The following EXO1 variants were observed in gnomAD, a reference collection of about 807,000 sequenced individuals.
EXO1 encodes exonuclease 1.
EXO1 carries 69 observed loss-of-function variants against 84.5 expected under a neutral mutation model. The ratio of observed to expected loss-of-function variants is 0.82; its 90% CI spans 0.67 to 1.00. EXO1 has a LOEUF of 1.00. Ranked by LOEUF, EXO1 falls within the 50% of genes least tolerant of loss-of-function variation. The pLI is 0.00. For missense variants in EXO1, 1,045 were observed against 1,000.7 expected, an observed-to-expected ratio of 1.04 and a Z score of -0.60; for synonymous variants, 373 against 366.1, an observed-to-expected ratio of 1.02 and a Z score of -0.21.
intron 13 of EXO1, 114 bp from the exon 14 acceptor site, chr1:241,881,798 TATTA>T (rs372854445): frequency 1.0e-5 from 6 of 577,352 alleles, no homozygotes; most frequent in South Asian, 9.7e-5. Context: ...CATTTTCTTT[TATTA>T]ATTCTATCCC....
At chr1:241,870,262 T>C (rs1428324535) in intron 11 of EXO1, among the ~76,000 whole-genome samples, 1 of 152,246 alleles carries the variant, frequency 6.6e-6, no homozygotes, top group Non-Finnish European at 1.5e-5. Context: ...GTCCCCTTTC[T>C]ATACACACAA....
Position 241,857,262 on chromosome 1 carries a change from G to C in EXO1, c.406-83G>C, listed in dbSNP as rs978417135. The C allele has an allele frequency of 4.5e-6, 6 of 1,343,122 alleles. No individual in the cohort carries two copies. In the African/African-American group the frequency reaches 5.7e-5, roughly 13 times the overall value. 83.2% of individuals were successfully genotyped at this position (1,343,122 alleles called of 1,614,324 possible). On this transcript the variant is annotated intron_variant, in intron 6 of 15. Coordinates refer to ENST00000366548, the MANE Select transcript of EXO1 (RefSeq NM_130398.4). Reference sequence around the variant, plus strand: ...TATTAGCATGTGCCTGCTGAGGCTAGTAATAAAGTGGGTTTGAAACAGGAA... The same window carrying C: ...TATTAGCATGTGCCTGCTGAGGCTACTAATAAAGTGGGTTTGAAACAGGAA...
intron 8 of EXO1, 23 bp downstream of exon 8, chr1:241,858,741 C>T: frequency 7.0e-7 from 1 of 1,428,432 alleles, no homozygotes. Flanking sequence ...TGCTAAGTGT[C>T]ATATTCAATT....
At chr1:241,887,898 C>G (rs563628487) in intron 15 of EXO1, among the ~76,000 whole-genome samples, 3 of 152,210 alleles carry the variant, frequency 2.0e-5, no homozygotes, top group African/African-American at 7.2e-5. Flanking sequence ...TTCAACCTCC[C>G]AAAGTGCTGG....
At chr1:241,854,138 G>A (rs998154088) in intron 6 of EXO1, among the ~76,000 whole-genome samples, 1 of 151,954 alleles carries the variant, frequency 6.6e-6, no homozygotes, top group East Asian at 1.9e-4. Context: ...TGGTTTTTTT[G>A]TTCGTTTGTT....
chr1:241,882,528 T>C lies in EXO1; in HGVS notation c.2211+511T>C, dbSNP rs192683916. Reference sequence around the variant, plus strand: ...TGTTGAATCAAAATATATAAATATTTGTGTTACTACATAGTAAAGCATATT... The same window carrying C: ...TGTTGAATCAAAATATATAAATATTCGTGTTACTACATAGTAAAGCATATT... On this transcript the variant is annotated intron_variant, in intron 14 of 15. Transcript: ENST00000366548. Among the ~76,000 whole-genome samples the C allele has an allele frequency of 1.9e-3, 284 of 152,324 alleles. 2 individuals carry two copies. The highest frequency in any genetic ancestry group is 2.5e-3 in the Non-Finnish European group (172 of 68,008).
chr1:241,861,258 A>G (rs1176367258), intron 9 of EXO1, 148 bp from the exon 10 acceptor site: 6 of 647,954 alleles, frequency 9.3e-6, no homozygotes, highest in Non-Finnish European at 1.7e-5. Context: ...GTCTGCTTTC[A>G]GTAATGCTGA....
At position 241,848,780 on chromosome 1, in the gene EXO1, A is replaced by G. The variant is rs1660490532; in HGVS notation, c.-370A>G. 1 of 152,170 alleles carries G rather than the reference A, an allele frequency of 6.6e-6. No homozygotes were observed. The highest frequency in any genetic ancestry group is 2.1e-4 in the South Asian group (1 of 4,822). The allele number at this position is 152,170 out of a possible 1,614,324, so 9.4% of individuals were successfully genotyped here. ...ATGGGCTTGGGGGCCACGCCTGCAC[A>G]TCTCCGCGAGACAGAGGGATAAAGT... On this transcript the variant is annotated 5_prime_UTR_variant, in exon 2 of 16. Transcript: ENST00000366548. This position sits in a 1 kb window ranked among gnomAD's most constrained non-coding sequence, Gnocchi z 4.2.
At chr1:241,858,755 G>A in intron 8 of EXO1, 37 bp downstream of exon 8, 1 of 1,290,628 alleles carries the variant, frequency 7.7e-7, no homozygotes, top group Middle Eastern at 1.8e-4. Flanking sequence ...TTCAATTTCT[G>A]AAGCATTTCC....
chr1:241,860,730 G>A (rs746893784), intron 9 of EXO1, 26 bp downstream of exon 9: 30 of 1,572,040 alleles, frequency 1.9e-5, no homozygotes, highest in Non-Finnish European at 2.4e-5. Context: ...CAGAATGGTA[G>A]AATTTGTGCA....
chr1:241,879,446 T>C (rs1470619866), intron 13 of EXO1, 103 bp downstream of exon 13: 2 of 684,628 alleles, frequency 2.9e-6, no homozygotes, highest in African/African-American at 3.6e-5. Flanking sequence ...TGACGAGCTA[T>C]ATTATTTTTT....
Position 241,855,126 on chromosome 1 carries a change from G to C in EXO1, c.405+1645G>C, listed in dbSNP as rs4149884. ...CCATGGTGTGGAAGGGGACCTAAGTGGGTTGCCACTGCTGGCTGGGGCAGC... is the reference window on the plus strand; with the variant it reads ...CCATGGTGTGGAAGGGGACCTAAGTCGGTTGCCACTGCTGGCTGGGGCAGC... On this transcript the variant is annotated intron_variant, in intron 6 of 15. Coordinates refer to ENST00000366548, the MANE Select transcript of EXO1 (RefSeq NM_130398.4). Among the ~76,000 whole-genome samples the C allele has an allele frequency of 8.0e-3, 1,223 of 152,288 alleles. 16 individuals carry two copies. Among genetic ancestry groups the C allele is most frequent in the African/African-American group, 0.028 (1,170 of 41,548 alleles).
intron 14 of EXO1, 53 bp downstream of exon 14, chr1:241,882,070 A>C: frequency 1.2e-6 from 1 of 843,538 alleles, no homozygotes; most frequent in South Asian, 1.5e-5. Context: ...GTATGCTTAC[A>C]ACTAGAAAAT....
chr1:241,851,736 A>G (rs1660679141), intron 4 of EXO1, among the ~76,000 whole-genome samples: 1 of 152,198 alleles, frequency 6.6e-6, no homozygotes, highest in Admixed American at 6.5e-5. Flanking sequence ...AGAAATATTT[A>G]TCTCAGGGAA....
chr1:241,887,921 G>A (rs1195248498), intron 15 of EXO1, among the ~76,000 whole-genome samples: 1 of 152,098 alleles, frequency 6.6e-6, no homozygotes, highest in Non-Finnish European at 1.5e-5. Context: ...TTACAGACAT[G>A]AGCCACCACG....
chr1:241,875,566 G>A (rs1416488613), intron 12 of EXO1, among the ~76,000 whole-genome samples: 1 of 152,144 alleles, frequency 6.6e-6, no homozygotes, highest in African/African-American at 2.4e-5. Context: ...CACAAAACTG[G>A]AACAGTGTTC....
chr1:241,863,423 C>CAA (rs11458545), intron 10 of EXO1, among the ~76,000 whole-genome samples: 1 of 144,768 alleles, frequency 6.9e-6, no homozygotes, highest in African/African-American at 2.5e-5. Flanking sequence ...AAAAAAAAAA[C>CAA]AAAAAAAGCG....
Position 241,853,414 on chromosome 1 carries a change from C to T in EXO1, c.338C>T (p.Ser113Leu), listed in dbSNP as rs373710484. The change falls in exon 6 of 16, where the codon TCG (serine) becomes TTG (leucine). Residue 113 changes from serine to leucine, a missense_variant. Ser to Leu is a moderately radical substitution (Grantham distance 145). Coordinates refer to ENST00000366548, the MANE Select transcript of EXO1 (RefSeq NM_130398.4). Reference sequence around the variant, plus strand: ...CAACTTCTTCGTGAGGGGAAAGTCTCGGAAGCTCGAGAGTGTTTCACCCGG... The same window carrying T: ...CAACTTCTTCGTGAGGGGAAAGTCTTGGAAGCTCGAGAGTGTTTCACCCGG... ...GKQLLREGKVSEARECFTRSI... is the reference protein window; with the variant it reads ...GKQLLREGKVLEARECFTRSI... The T allele has an allele frequency of 7.1e-5, 114 of 1,613,694 alleles. No individual in the cohort carries two copies. The highest frequency in any genetic ancestry group is 9.4e-5 in the Non-Finnish European group (111 of 1,179,816).
chr1:241,852,695 C>T (rs1660739466), intron 5 of EXO1, among the ~76,000 whole-genome samples: 1 of 152,174 alleles, frequency 6.6e-6, no homozygotes, highest in African/African-American at 2.4e-5. Flanking sequence ...CTCACTCTGT[C>T]GCCCAGTCTA....
Sources: gnomAD v4.1 joint callset for allele counts (sites outside exome capture counted in the v4.1 genomes callset) on GRCh38, gnomAD v4.1.1 for gene constraint, Gnocchi (gnomAD v3.1) non-coding constraint, MANE v1.5 for transcripts, NCBI Gene and HGNC (gene_info 2026-07-23, HGNC 2026-07-21) for gene names.